Variants in GPC6 observed in about 807,000 individuals in gnomAD.
GPC6 encodes glypican 6, also known as glypican-6.
In GPC6, 14 loss-of-function variants were observed where a neutral mutation model predicts 55.2. The observed-to-expected ratio is 0.25, with a 90% CI of 0.17 to 0.40. The LOEUF (loss-of-function observed/expected upper bound fraction) is 0.40. Ranked by LOEUF, GPC6 falls within the 10% of genes least tolerant of loss-of-function variation. The pLI, the probability that GPC6 is intolerant of heterozygous loss-of-function variation, is 1.00. For synonymous variants in GPC6, 278 were observed against 259.6 expected (o/e 1.07, Z -0.68); for missense variants, 641 against 708.5 (o/e 0.90, Z 1.08).
At chr13:93,455,270 C>T (rs1176009647) in intron 1 of GPC6, among the ~76,000 whole-genome samples, 2 of 152,190 alleles carry the variant, frequency 1.3e-5, no homozygotes, top group East Asian at 3.9e-4. Flanking sequence ...CCTCAAGTGC[C>T]GCCAAAGTGG....
intron 1 of GPC6, among the ~76,000 whole-genome samples, chr13:93,519,301 G>C (rs1881318521): frequency 1.3e-5 from 2 of 151,948 alleles, no homozygotes; most frequent in South Asian, 4.1e-4. Flanking sequence ...ACAAATTATA[G>C]AAGATGTTAC....
chr13:93,848,352 GCTTT>G lies in GPC6; in HGVS notation c.711+17814_711+17817del, dbSNP rs539373915. ...CATTTTGTAACTTTCGTTTTGTGTT[GCTTT>G]CTTTCTGTGTTGCTTCCTCTCTATA... On this transcript the variant is annotated intron_variant, in intron 3 of 8. Coordinates refer to ENST00000377047, the MANE Select transcript of GPC6 (RefSeq NM_005708.5). Among the ~76,000 whole-genome samples the G allele has an allele frequency of 4.7e-4, 72 of 152,076 alleles. 1 individual carries two copies. The highest frequency in any genetic ancestry group is 4.2e-3 in the Admixed American group (64 of 15,252).
At chr13:94,124,218 T>C (rs1886731694) in intron 4 of GPC6, among the ~76,000 whole-genome samples, 2 of 152,188 alleles carry the variant, frequency 1.3e-5, no homozygotes, top group South Asian at 4.1e-4. Context: ...TGACTCTTGA[T>C]TGACATCCCA....
At chr13:94,140,266 A>C (rs1433129775) in intron 4 of GPC6, among the ~76,000 whole-genome samples, 1 of 152,168 alleles carries the variant, frequency 6.6e-6, no homozygotes, top group Non-Finnish European at 1.5e-5. Flanking sequence ...CTCTGTGTTC[A>C]TTAGTGTGTT....
intron 4 of GPC6, among the ~76,000 whole-genome samples, chr13:94,160,760 T>C (rs1594004378): frequency 6.6e-6 from 1 of 152,220 alleles, no homozygotes; most frequent in Admixed American, 6.5e-5. Context: ...GTTTCGTTCA[T>C]GTATATATGG....
chr13:93,348,925 A>T (rs890903601), intron 1 of GPC6, among the ~76,000 whole-genome samples: 4 of 152,184 alleles, frequency 2.6e-5, no homozygotes, highest in Admixed American at 1.3e-4. Flanking sequence ...TAGAGAATAC[A>T]TAGGTCACTA....
intron 4 of GPC6, among the ~76,000 whole-genome samples, chr13:94,063,451 C>T (rs1446854047): frequency 6.6e-6 from 1 of 152,242 alleles, no homozygotes; most frequent in East Asian, 1.9e-4. Flanking sequence ...TTGCCTGAGA[C>T]TGCTAACATA....
At position 94,093,819 on chromosome 13, in the gene GPC6, C is replaced by T. The variant is rs1885576683; in HGVS notation, c.877+65925C>T. On this transcript the variant is annotated intron_variant, in intron 4 of 8. Transcript: ENST00000377047. Reference sequence around the variant, plus strand: ...TGATGGCAGAAGTTGTAAAGTGAAACCATCTGGATCTGATCAGCACATCTA... The same window carrying T: ...TGATGGCAGAAGTTGTAAAGTGAAATCATCTGGATCTGATCAGCACATCTA... 2.0e-5 allele frequency among the ~76,000 whole-genome samples: 3 copies of T among 151,946 alleles called. No homozygotes were observed. In the South Asian group the frequency reaches 6.2e-4, roughly 31 times the overall value.
chr13:93,569,284 A>C (rs757231190), intron 2 of GPC6, among the ~76,000 whole-genome samples: 21 of 152,158 alleles, frequency 1.4e-4, no homozygotes, highest in Non-Finnish European at 2.8e-4. Flanking sequence ...ATGTAACAGC[A>C]CTTGTCTGAT....
chr13:94,027,782 A>C lies in GPC6; in HGVS notation c.765A>C (p.Pro255=). The C allele has an allele frequency of 6.2e-7, 1 of 1,614,068 alleles. No homozygotes were observed. Among genetic ancestry groups the C allele is most frequent in the Non-Finnish European group, 8.5e-7 (1 of 1,179,960 alleles). Residue 255 remains proline, a synonymous_variant, in exon 4 of 9, where the codon CCA becomes CCC. Coordinates refer to ENST00000377047, the MANE Select transcript of GPC6 (RefSeq NM_005708.5). ...CCCTCATGAAGATGCTGTACTGCCC[A>C]TACTGTCGGGGGCTTCCCACTGTGA... ...IRALMKMLYC[P]YCRGLPTVRP... is the part of the protein sequence containing the mutation.
chr13:93,910,306 G>A (rs1876900169), intron 3 of GPC6, among the ~76,000 whole-genome samples: 1 of 152,174 alleles, frequency 6.6e-6, no homozygotes, highest in Non-Finnish European at 1.5e-5. Flanking sequence ...ACCACCATGT[G>A]AGAAGTCCCT....
chr13:93,292,941 T>C (rs1352990232), intron 1 of GPC6, among the ~76,000 whole-genome samples: 2 of 152,206 alleles, frequency 1.3e-5, no homozygotes, highest in East Asian at 1.9e-4. Flanking sequence ...ATTTAAACCT[T>C]ATCTTTGGCC....
At chr13:93,667,457 A>G (rs1261821633) in intron 2 of GPC6, among the ~76,000 whole-genome samples, 1 of 151,206 alleles carries the variant, frequency 6.6e-6, no homozygotes, top group Non-Finnish European at 1.5e-5. Flanking sequence ...TTTTTTGACA[A>G]AGTCTCACTC....
chr13:93,962,702 A>G (rs1879841240), intron 3 of GPC6, among the ~76,000 whole-genome samples: 1 of 152,200 alleles, frequency 6.6e-6, no homozygotes, highest in South Asian at 2.1e-4. Context: ...AGTCTATTAT[A>G]CAGATGCTGT....
chr13:93,236,095 C>G (rs1246035015), intron 1 of GPC6, among the ~76,000 whole-genome samples: 4 of 152,142 alleles, frequency 2.6e-5, no homozygotes, highest in African/African-American at 9.7e-5. Context: ...AGATGCCCAC[C>G]CTTCTCATTT....
intron 4 of GPC6, among the ~76,000 whole-genome samples, chr13:94,224,468 AT>A (rs886732835): frequency 4.6e-5 from 7 of 151,794 alleles, no homozygotes; most frequent in Non-Finnish European, 5.9e-5. Flanking sequence ...ATGTCCATGC[AT>A]TTTTTTTACA....
intron 1 of GPC6, among the ~76,000 whole-genome samples, chr13:93,396,511 T>C (rs1875864014): frequency 6.6e-6 from 1 of 151,856 alleles, no homozygotes; most frequent in African/African-American, 2.4e-5. Context: ...TGCAGTGAGC[T>C]GAGATCATGC....
At chr13:93,619,335 T>A (rs113414467) in intron 2 of GPC6, among the ~76,000 whole-genome samples, 1,667 of 152,314 alleles carry the variant, frequency 0.011, 17 homozygotes, top group Non-Finnish European at 0.017. Flanking sequence ...GCTTCTCACA[T>A]TGACTACATG....
At chr13:93,813,039 C>A (rs1886743826) in intron 2 of GPC6, among the ~76,000 whole-genome samples, 1 of 152,164 alleles carries the variant, frequency 6.6e-6, no homozygotes, top group Non-Finnish European at 1.5e-5. Context: ...TCCTCTTCTA[C>A]AGGACTGCTT....
Sources: gnomAD v4.1 joint callset for allele counts (sites outside exome capture counted in the v4.1 genomes callset) on GRCh38, gnomAD v4.1.1 for gene constraint, MANE v1.5 for transcripts, NCBI Gene and HGNC (gene_info 2026-07-23, HGNC 2026-07-21) for gene names.